The following PTBP2 variants were observed in gnomAD, a reference collection of about 807,000 sequenced individuals.
PTBP2 encodes the protein polypyrimidine tract binding protein 2, also known as polypyrimidine tract-binding protein 2.
A neutral mutation model predicts 61.4 loss-of-function variants in PTBP2; 13 were observed. The observed-to-expected ratio is 0.21, with a 90% confidence interval of 0.14 to 0.34. The LOEUF (loss-of-function observed/expected upper bound fraction) is 0.34, where lower values mean the gene tolerates loss of function less well. Ranked by LOEUF, PTBP2 falls within the 10% of genes least tolerant of loss-of-function variation. The probability of loss-of-function intolerance (pLI) is 1.00; values close to 1 mark genes in which losing one functional copy is unlikely to be tolerated. For synonymous variants in PTBP2, 215 were observed against 218.5 expected, an observed-to-expected ratio of 0.98 and a Z score of 0.14; for missense variants, 405 against 642.6, an observed-to-expected ratio of 0.63 and a Z score of 4.00.
At chr1:96,751,346 G>T (rs1654513890) in intron 2 of PTBP2, 79 bp from the exon 3 acceptor site, 2 of 1,111,980 alleles carry the variant, frequency 1.8e-6, no homozygotes, top group Admixed American at 3.4e-5. Context: ...TGTAACATTT[G>T]ACATTTAAGT....
intron 3 of PTBP2, among the ~76,000 whole-genome samples, 159 bp downstream of exon 3, chr1:96,751,659 A>G (rs1470447819): frequency 3.3e-5 from 1 of 30,664 alleles, no homozygotes; most frequent in East Asian, 1.9e-3. Flanking sequence ...AGCCGAGTGG[A>G]AAAAAAAAAA....
intron 8 of PTBP2, among the ~76,000 whole-genome samples, chr1:96,798,279 G>A (rs889689606): frequency 9.9e-5 from 15 of 151,798 alleles, no homozygotes; most frequent in African/African-American, 3.6e-4. Context: ...GGTGGTGGGC[G>A]CCTGTAATCT....
intron 8 of PTBP2, among the ~76,000 whole-genome samples, chr1:96,786,023 G>C (rs1479677445): frequency 6.6e-6 from 1 of 152,060 alleles, no homozygotes; most frequent in Non-Finnish European, 1.5e-5. Flanking sequence ...TGTATTTCTT[G>C]ATTTCTAGTA....
chr1:96,778,199 AG>A (rs1658257324), intron 7 of PTBP2, among the ~76,000 whole-genome samples: 1 of 147,440 alleles, frequency 6.8e-6, no homozygotes, highest in Admixed American at 6.8e-5. Context: ...TAAGGACAAA[AG>A]TTTGTACTCT....
At chr1:96,792,414 C>T (rs770598941) in intron 8 of PTBP2, among the ~76,000 whole-genome samples, 15 of 152,056 alleles carry the variant, frequency 9.9e-5, no homozygotes, top group Non-Finnish European at 1.6e-4. Context: ...TTTGAGTGGC[C>T]GAGCCCTAGC....
At chr1:96,729,423 CTG>C (rs1651064270) in intron 2 of PTBP2, among the ~76,000 whole-genome samples, 1 of 151,932 alleles carries the variant, frequency 6.6e-6, no homozygotes, top group South Asian at 2.1e-4. Flanking sequence ...CTTTTTTTGT[CTG>C]TGGTATCCAG....
intron 8 of PTBP2, among the ~76,000 whole-genome samples, chr1:96,800,963 C>T (rs1383552148): frequency 1.3e-5 from 2 of 151,698 alleles, no homozygotes; most frequent in Non-Finnish European, 2.9e-5. Context: ...ATTTAAAATT[C>T]TTTTAAACAT....
chr1:96,729,323 A>G (rs1023949601), intron 2 of PTBP2, among the ~76,000 whole-genome samples: 5 of 152,152 alleles, frequency 3.3e-5, no homozygotes, highest in South Asian at 2.1e-4. Flanking sequence ...CCCCCAGCCT[A>G]TGCCATTAAA....
intron 1 of PTBP2, among the ~76,000 whole-genome samples, 169 bp downstream of exon 1, chr1:96,722,041 G>A (rs961004412): frequency 6.6e-6 from 1 of 152,098 alleles, no homozygotes; most frequent in Non-Finnish European, 1.5e-5. Context: ...CCCCCGGCGG[G>A]CTTTGGTCGA....
intron 2 of PTBP2, among the ~76,000 whole-genome samples, chr1:96,739,565 C>T (rs1370973656): frequency 6.6e-6 from 1 of 150,598 alleles, no homozygotes; most frequent in Non-Finnish European, 1.5e-5. Context: ...GGTTAAGCAT[C>T]CCTAATCTGA....
At chr1:96,806,556 T>A in intron 10 of PTBP2, 104 bp downstream of exon 10, 1 of 1,273,538 alleles carries the variant, frequency 7.9e-7, no homozygotes, top group Non-Finnish European at 1.1e-6. Flanking sequence ...ATAGTAAATC[T>A]TTTGCTATTT....
chr1:96,801,544 T>C (rs1053443809), intron 8 of PTBP2, among the ~76,000 whole-genome samples: 5 of 152,090 alleles, frequency 3.3e-5, no homozygotes, highest in African/African-American at 1.2e-4. Flanking sequence ...AGTATGTGTG[T>C]TTATGTGCTT....
intron 3 of PTBP2, among the ~76,000 whole-genome samples, chr1:96,764,521 G>A (rs1411137637): frequency 2.0e-5 from 3 of 152,084 alleles, no homozygotes; most frequent in Admixed American, 1.3e-4. Flanking sequence ...TGTAATAGCA[G>A]GATTTTCTGA....
intron 5 of PTBP2, 67 bp downstream of exon 5, chr1:96,770,918 G>A (rs1377483939): frequency 1.5e-6 from 2 of 1,344,462 alleles, no homozygotes; most frequent in African/African-American, 2.9e-5. Context: ...AACATTAATA[G>A]GAAGGAAATG....
chr1:96,744,660 A>G (rs144307612), intron 2 of PTBP2, among the ~76,000 whole-genome samples: 1 of 152,264 alleles, frequency 6.6e-6, no homozygotes, highest in African/African-American at 2.4e-5. Context: ...CTTGTAGGTG[A>G]TAGTATTGGC....
At chr1:96,801,314 T>G (rs944326528) in intron 8 of PTBP2, among the ~76,000 whole-genome samples, 1 of 152,174 alleles carries the variant, frequency 6.6e-6, no homozygotes. Context: ...TGAGTAAATG[T>G]ATCTTTTTAA....
chr1:96,737,202 C>T (rs963893047), intron 2 of PTBP2, among the ~76,000 whole-genome samples: 3 of 151,860 alleles, frequency 2.0e-5, no homozygotes, highest in African/African-American at 7.3e-5. Context: ...TCCTGACCTC[C>T]TGATCTGCCC....
rs57451223 is a variant in PTBP2, at chr1:96,761,346, A to ATGTGTGTGTGTGTGTGTGTGTG, written c.116-8335_116-8314dup. ...AGCAGGGGCCTAGATGTGGGATTTG[A>ATGTGTGTGTGTGTGTGTGTGTG]TGTGTGTGTGTGTGTGTGTGTGTGT... is the stretch of plus-strand genomic sequence containing the variant. On this transcript the variant is annotated intron_variant, in intron 3 of 13. Coordinates refer to ENST00000674951, the MANE Select transcript of PTBP2 (RefSeq NM_021190.4). 4.6e-4 allele frequency among the ~76,000 whole-genome samples: 65 copies of ATGTGTGTGTGTGTGTGTGTGTG among 140,570 alleles called. 1 individual carries two copies. Among genetic ancestry groups the ATGTGTGTGTGTGTGTGTGTGTG allele is most frequent in the African/African-American group, 1.6e-3 (61 of 37,964 alleles). The allele number at this position is 140,570 out of a possible 152,430, so 92.2% of individuals were successfully genotyped here.
At chr1:96,788,974 A>G (rs753811137) in intron 8 of PTBP2, among the ~76,000 whole-genome samples, 3 of 152,078 alleles carry the variant, frequency 2.0e-5, no homozygotes, top group Non-Finnish European at 4.4e-5. Flanking sequence ...TTAGTCATTC[A>G]CATATTCTGT....
Sources: allele counts gnomAD v4.1 joint callset (sites outside exome capture counted in the v4.1 genomes callset), GRCh38; gene constraint gnomAD v4.1.1; transcripts MANE v1.5; gene names NCBI Gene and HGNC (gene_info 2026-07-23, HGNC 2026-07-21).